SDR42E1: variants seen among roughly 807,000 people sequenced by gnomAD.
The protein encoded by SDR42E1 is short-chain dehydrogenase/reductase family 42E member 1.
In SDR42E1, 5 loss-of-function variants were observed where a neutral mutation model predicts 2.6. The observed-to-expected ratio is 1.94, with a 90% confidence interval of 1.01 to 4.08. The LOEUF is 4.08. Among genes scored for constraint, SDR42E1 ranks in the 30% most tolerant of loss-of-function variants. SDR42E1 has a pLI of 0.00. For synonymous variants in SDR42E1, 231 were observed against 188.3 expected, an observed-to-expected ratio of 1.23 and a Z score of -1.86; for missense variants, 596 against 478.6, an observed-to-expected ratio of 1.25 and a Z score of -2.29.
chr16:82,007,920 T>G (rs1160551307), intron 1 of SDR42E1: 6 of 152,236 alleles, frequency 3.9e-5, no homozygotes, highest in Non-Finnish European at 8.8e-5. Context: ...TATTATGGGT[T>G]AGGCAGTGAT....
At chr16:82,007,980 G>C (rs549760447) in intron 1 of SDR42E1, 2 of 152,180 alleles carry the variant, frequency 1.3e-5, no homozygotes, top group Middle Eastern at 3.2e-3. Context: ...TGTAGCTCCC[G>C]TAAATCCCAC....
intron 1 of SDR42E1, among the ~76,000 whole-genome samples, chr16:82,009,112 G>T (rs558786672): frequency 6.6e-6 from 1 of 152,324 alleles, no homozygotes; most frequent in African/African-American, 2.4e-5. Context: ...CCTCTCCCTA[G>T]GTTTCAGAGG....
intron 1 of SDR42E1, among the ~76,000 whole-genome samples, chr16:82,009,053 C>T (rs981012479): frequency 3.3e-5 from 5 of 152,162 alleles, no homozygotes; most frequent in East Asian, 1.9e-4. Flanking sequence ...AACTTCCATG[C>T]GGTGTTAAGC....
intron 1 of SDR42E1, among the ~76,000 whole-genome samples, chr16:82,006,544 G>A (rs1229502348): frequency 6.6e-6 from 1 of 152,220 alleles, no homozygotes; most frequent in East Asian, 1.9e-4. Context: ...TGTAATTCCA[G>A]CACTTTGGAA....
At chr16:82,001,949 AC>A (rs1420270386) in intron 1 of SDR42E1, among the ~76,000 whole-genome samples, 1 of 138,298 alleles carries the variant, frequency 7.2e-6, no homozygotes, top group Non-Finnish European at 1.5e-5. Flanking sequence ...CCTCAAAGGC[AC>A]TGGGTGCGTA....
chr16:82,001,959 TATAC>T (rs1462021781), intron 1 of SDR42E1, among the ~76,000 whole-genome samples: 1 of 131,130 alleles, frequency 7.6e-6, no homozygotes, highest in African/African-American at 3.9e-5. Context: ...ACTGGGTGCG[TATAC>T]ACACACACAC....
intron 2 of SDR42E1, chr16:82,000,493 C>G (rs570183908): frequency 8.2e-5 from 50 of 610,310 alleles, no homozygotes; most frequent in African/African-American, 8.2e-4. Flanking sequence ...GGCCCACTAT[C>G]TATTCTTTGG....
chr16:82,010,502 G>T (rs1913091109), intron 1 of SDR42E1, among the ~76,000 whole-genome samples: 1 of 152,172 alleles, frequency 6.6e-6, no homozygotes. Context: ...GTCAAGCTGA[G>T]AACTGCTTAG....
chr16:82,009,899 A>C (rs1316650877), intron 1 of SDR42E1, among the ~76,000 whole-genome samples: 1 of 152,250 alleles, frequency 6.6e-6, no homozygotes, highest in African/African-American at 2.4e-5. Context: ...GGAGGGACCC[A>C]GTGGGAGGTA....
At position 81,995,572 on chromosome 16, in the gene SDR42E1, C is replaced by G. The variant is rs1349941282; in HGVS notation, c.*3539G>C. 6.6e-6 allele frequency: 1 copy of G among 152,222 alleles called. No individual in the cohort carries two copies. Among genetic ancestry groups the G allele is most frequent in the Non-Finnish European group, 1.5e-5 (1 of 68,048 alleles). The allele number at this position is 152,222 out of a possible 1,614,324, so 9.4% of individuals were successfully genotyped here. A position where few individuals can be genotyped will look rare whatever the true frequency, so the allele number is the denominator to read the frequency against. ...ATCATATAGACAATGACTTCCCTTA[C>G]TCACTAGACCTCATCTAATCTTGAC... On this transcript the variant is annotated 3_prime_UTR_variant, in exon 3 of 3. Coordinates refer to ENST00000328945, the MANE Select transcript of SDR42E1 (RefSeq NM_145168.3).
intron 1 of SDR42E1, among the ~76,000 whole-genome samples, chr16:82,001,500 C>T (rs1205809261): frequency 6.6e-6 from 1 of 152,146 alleles, no homozygotes; most frequent in Admixed American, 6.5e-5. Context: ...ACTTCTCTCT[C>T]CCTCTTCTTC....
intron 2 of SDR42E1, 67 bp downstream of exon 2, chr16:82,000,724 A>C: frequency 8.5e-7 from 1 of 1,171,534 alleles, no homozygotes; most frequent in Non-Finnish European, 1.3e-6. Context: ...CTCTGCTGTC[A>C]GAGTTGAATG....
intron 1 of SDR42E1, among the ~76,000 whole-genome samples, chr16:82,007,219 A>G (rs1314521857): frequency 1.3e-5 from 2 of 152,242 alleles, no homozygotes; most frequent in Non-Finnish European, 2.9e-5. Context: ...CAAGCTCTTC[A>G]AATGCCTCTT....
intron 1 of SDR42E1, among the ~76,000 whole-genome samples, chr16:82,002,323 T>G (rs948744459): frequency 6.6e-6 from 1 of 152,184 alleles, no homozygotes; most frequent in African/African-American, 2.4e-5. Context: ...TATGTGATCT[T>G]GGCCAAGACA....
At chr16:82,001,668 C>T (rs958730384) in intron 1 of SDR42E1, among the ~76,000 whole-genome samples, 4 of 151,936 alleles carry the variant, frequency 2.6e-5, no homozygotes, top group Non-Finnish European at 5.9e-5. Context: ...TTTGGGAGGC[C>T]GAGGCAGGCG....
chr16:82,008,225 C>T (rs535051223), intron 1 of SDR42E1, among the ~76,000 whole-genome samples: 4 of 152,200 alleles, frequency 2.6e-5, no homozygotes, highest in Non-Finnish European at 4.4e-5. Flanking sequence ...AACTACTTTC[C>T]ATTATAAATT....
intron 1 of SDR42E1, among the ~76,000 whole-genome samples, chr16:82,011,128 G>T (rs1441045188): frequency 2.0e-5 from 3 of 152,190 alleles, no homozygotes; most frequent in Admixed American, 1.3e-4. Context: ...CGGAGCTTGG[G>T]GCCCCGATGT....
Position 81,999,232 on chromosome 16 carries a change from C to T in SDR42E1, c.1061G>A (p.Gly354Asp). 1.2e-6 allele frequency: 2 copies of T among 1,614,222 alleles called. No individual in the cohort carries two copies. Among genetic ancestry groups the T allele is most frequent in the Non-Finnish European group, 1.7e-6 (2 of 1,180,036 alleles). Residue 354 changes from glycine to aspartate, a missense_variant, in exon 3 of 3, where the codon GGT becomes GAT. Physicochemically the swap from Gly to Asp is moderately conservative, Grantham distance 94. Transcript: ENST00000328945. ...QEAVEWFKAH[G>D]HGRSSGSRDS... ...ACGACTTCCAGAACTTCTGCCATGA[C>T]CATGGGCTTTAAACCATTCCACTGC...
rs1263284839 is a variant in SDR42E1 at position 81,997,624 on chromosome 16, A to G, written c.*1487T>C. 6.6e-6 allele frequency: 1 copy of G among 152,252 alleles called. No homozygotes were observed. The highest frequency in any genetic ancestry group is 2.4e-5 in the African/African-American group (1 of 41,460). The allele number at this position is 152,252 out of a possible 1,614,324, so 9.4% of individuals were successfully genotyped here. On this transcript the variant is annotated 3_prime_UTR_variant, in exon 3 of 3. Transcript: ENST00000328945. ...GAAAAGACTCCAAACACGTTTTCCT[A>G]AAAACAATCACTACCATCACCTCAT...
Sources: gnomAD v4.1 joint callset for allele counts (sites outside exome capture counted in the v4.1 genomes callset) on GRCh38, gnomAD v4.1.1 for gene constraint, MANE v1.5 for transcripts, NCBI Gene and HGNC (gene_info 2026-07-23, HGNC 2026-07-21) for gene names.